The following TRDN variants were observed in gnomAD, a reference collection of about 807,000 sequenced individuals.
TRDN encodes the protein triadin.
TRDN carries 161 observed loss-of-function variants against 149.7 expected under a neutral mutation model. The observed-to-expected ratio is 1.08, with a 90% CI of 0.95 to 1.23. The LOEUF (loss-of-function observed/expected upper bound fraction) is 1.23, where lower values mean the gene tolerates loss of function less well. Among genes scored for constraint, TRDN ranks in the 50% most tolerant of loss-of-function variants. The pLI, the probability that TRDN is intolerant of heterozygous loss-of-function variation, is 0.00. For synonymous variants in TRDN, 294 were observed against 250.5 expected (o/e 1.17, Z -1.64); for missense variants, 896 against 823.5 (o/e 1.09, Z -1.08).
intron 9 of TRDN, among the ~76,000 whole-genome samples, chr6:123,467,645 T>G (rs1057424391): frequency 3.9e-5 from 6 of 152,246 alleles, no homozygotes; most frequent in Middle Eastern, 3.4e-3. Flanking sequence ...TGTGATAGGG[T>G]GCACCAAAAC....
In TRDN at chr6:123,454,813, C is replaced by G. The variant is rs1399093597; in HGVS notation, c.931+10093G>C. ...TTATGAGAATCTAATGCCTGATGATCTGAAGTGGAACAGTTTCATCCTGAA... is the reference window on the plus strand; with the variant it reads ...TTATGAGAATCTAATGCCTGATGATGTGAAGTGGAACAGTTTCATCCTGAA... On this transcript the variant is annotated intron_variant, in intron 10 of 40. Coordinates refer to ENST00000334268, the MANE Select transcript of TRDN (RefSeq NM_006073.4). 2.0e-5 allele frequency among the ~76,000 whole-genome samples: 3 copies of G among 152,322 alleles called. No homozygotes were observed. In the East Asian group the frequency reaches 5.8e-4, roughly 29 times the overall value.
At chr6:123,586,438 G>A (rs187912742) in intron 1 of TRDN, among the ~76,000 whole-genome samples, 23 of 152,196 alleles carry the variant, frequency 1.5e-4, no homozygotes, top group African/African-American at 4.8e-4. Flanking sequence ...GGAGGGAAAG[G>A]AGGAAGATTT....
chr6:123,484,126 A>G (rs1451179313), intron 9 of TRDN, among the ~76,000 whole-genome samples: 2 of 152,110 alleles, frequency 1.3e-5, no homozygotes, highest in Admixed American at 1.3e-4. Context: ...TCTTTTGCAA[A>G]TACAAAAGCA....
intron 16 of TRDN, among the ~76,000 whole-genome samples, chr6:123,379,997 C>T (rs1039523777): frequency 3.3e-5 from 5 of 151,958 alleles, no homozygotes; most frequent in African/African-American, 1.2e-4. Context: ...TAAAGCAACC[C>T]TCAAGATAAA....
chr6:123,456,945 T>G, intron 10 of TRDN: 1 of 425,832 alleles, frequency 2.3e-6, no homozygotes. Flanking sequence ...AAACAAATGT[T>G]TTATAAGGAA....
intron 20 of TRDN, among the ~76,000 whole-genome samples, chr6:123,354,831 C>A (rs1257751774): frequency 6.6e-6 from 1 of 151,662 alleles, no homozygotes; most frequent in African/African-American, 2.4e-5. Context: ...ACTCTGGAAG[C>A]ACAAGAAATC....
intron 21 of TRDN, among the ~76,000 whole-genome samples, chr6:123,347,609 T>C (rs1780305763): frequency 6.6e-6 from 1 of 152,088 alleles, no homozygotes; most frequent in African/African-American, 2.4e-5. Context: ...GGTATTTTCA[T>C]TTTATAATCT....
chr6:123,267,813 T>A, intron 31 of TRDN, 62 bp from the exon 32 acceptor site: 1 of 1,347,420 alleles, frequency 7.4e-7, no homozygotes, highest in Non-Finnish European at 1.0e-6. Context: ...ATTTCTTATT[T>A]ATATATTTGC....
At chr6:123,500,417 C>CAGAA (rs1172308654) in intron 8 of TRDN, among the ~76,000 whole-genome samples, 2 of 152,080 alleles carry the variant, frequency 1.3e-5, no homozygotes, top group African/African-American at 2.4e-5. Context: ...TCTAAGAATA[C>CAGAA]AGAAAAACCA....
At chr6:123,453,329 G>T (rs1326723945) in intron 10 of TRDN, among the ~76,000 whole-genome samples, 12 of 152,046 alleles carry the variant, frequency 7.9e-5, no homozygotes, top group Admixed American at 7.9e-4. Flanking sequence ...AACCCACAGA[G>T]TGGGAGAAAA....
rs555969614 is a variant in TRDN at position 123,280,764 on chromosome 6, A to G, written c.1511-1682T>C. Among the ~76,000 whole-genome samples the G allele has an allele frequency of 1.2e-4, 18 of 148,864 alleles. No homozygotes were observed. The East Asian group carries it at 3.4e-3, about 28-fold the overall frequency. ...CTTACTCCTTTTATGTGCTAATACT[A>G]CTTGGTAGATCTCTTTATCATTATG... On this transcript the variant is annotated intron_variant, in intron 24 of 40. Transcript: ENST00000334268.
At chr6:123,529,102 A>G (rs562670266) in intron 5 of TRDN, 4 of 1,471,396 alleles carry the variant, frequency 2.7e-6, no homozygotes, top group East Asian at 2.5e-5. Context: ...AAATGGTGCC[A>G]TCTACATTAC....
At chr6:123,573,510 G>A (rs1238440471) in intron 1 of TRDN, among the ~76,000 whole-genome samples, 2 of 152,012 alleles carry the variant, frequency 1.3e-5, no homozygotes, top group Non-Finnish European at 2.9e-5. Context: ...AAACAAAGGT[G>A]GAAGCACCAA....
intron 1 of TRDN, among the ~76,000 whole-genome samples, chr6:123,613,002 C>T (rs1784895378): frequency 6.6e-6 from 1 of 152,096 alleles, no homozygotes; most frequent in African/African-American, 2.4e-5. Context: ...ATTTCTTTCT[C>T]ATCATAGAAA....
intron 10 of TRDN, among the ~76,000 whole-genome samples, chr6:123,461,479 T>C (rs1328043132): frequency 1.3e-5 from 2 of 152,214 alleles, no homozygotes; most frequent in Non-Finnish European, 2.9e-5. Flanking sequence ...AACTTCTTCC[T>C]TCCACATCTT....
chr6:123,464,722 G>A (rs1014824964), intron 10 of TRDN, 184 bp downstream of exon 10: 3 of 1,388,682 alleles, frequency 2.2e-6, no homozygotes, highest in Non-Finnish European at 2.8e-6. Flanking sequence ...ATCTTAAGGG[G>A]ACATTTTTGG....
chr6:123,623,302 T>TAA (rs756565266), intron 1 of TRDN, among the ~76,000 whole-genome samples: 1 of 152,062 alleles, frequency 6.6e-6, no homozygotes, highest in Non-Finnish European at 1.5e-5. Flanking sequence ...ATCTTATATA[T>TAA]AAAATTGAAA....
chr6:123,334,444 C>A (rs1444505622), intron 22 of TRDN, among the ~76,000 whole-genome samples: 1 of 151,984 alleles, frequency 6.6e-6, no homozygotes, highest in Non-Finnish European at 1.5e-5. Flanking sequence ...GTTTCTCAGT[C>A]CGTAGGTGAA....
chr6:123,374,774 AAAAAACAAAAAC>A lies in TRDN; in HGVS notation c.1273+819_1273+830del, dbSNP rs553729312. ...TGGTGACAGAGAAAGACTCCATCAA[AAAAAACAAAAAC>A]AAAAACAAAAAAACAAACAAAAAAA... is the stretch of plus-strand genomic sequence containing the variant. On this transcript the variant is annotated intron_variant, in intron 19 of 40. Coordinates refer to ENST00000334268, the MANE Select transcript of TRDN (RefSeq NM_006073.4). Among the ~76,000 whole-genome samples, 492 of 152,174 alleles carry A rather than the reference AAAAAACAAAAAC, an allele frequency of 3.2e-3. 1 individual carries two copies. Among genetic ancestry groups the A allele is most frequent in the Admixed American group, 4.2e-3 (64 of 15,270 alleles).
Sources: gnomAD v4.1 joint callset for allele counts (sites outside exome capture counted in the v4.1 genomes callset) on GRCh38, gnomAD v4.1.1 for gene constraint, MANE v1.5 for transcripts, NCBI Gene and HGNC (gene_info 2026-07-23, HGNC 2026-07-21) for gene names.